ST18: variants seen among roughly 807,000 people sequenced by gnomAD.
ST18 encodes suppression of tumorigenicity 18 protein.
A neutral mutation model predicts 110.0 loss-of-function variants in ST18; 50 were observed. That is an observed-to-expected ratio of 0.45 (90% CI 0.36 to 0.58). The LOEUF is 0.58. Ranked by LOEUF, ST18 falls within the 20% of genes least tolerant of loss-of-function variation. The probability of loss-of-function intolerance (pLI) is 0.00; values close to 1 mark genes in which losing one functional copy is unlikely to be tolerated. For missense variants in ST18, 1,306 were observed against 1,280.1 expected, an observed-to-expected ratio of 1.02 and a Z score of -0.31; for synonymous variants, 461 against 452.4, an observed-to-expected ratio of 1.02 and a Z score of -0.24.
chr8:52,113,289 T>C lies in ST18; in HGVS notation c.3053A>G (p.Asp1018Gly). The change falls in exon 26 of 26, where the codon GAT (aspartate) becomes GGT (glycine). Residue 1018 changes from aspartate to glycine, a missense_variant. Asp to Gly is a moderately conservative substitution (Grantham distance 94). Transcript: ENST00000689386. Reference protein sequence around the residue: ...NFEAYVNTLTDMYSNLERDYS... With the variant: ...NFEAYVNTLTGMYSNLERDYS... ...GTCCCGTTCCAGATTGCTGTACATATCTGTGAGTGTATTTACATATGCTTC... is the reference window on the plus strand; with the variant it reads ...GTCCCGTTCCAGATTGCTGTACATACCTGTGAGTGTATTTACATATGCTTC... 6.2e-7 allele frequency: 1 copy of C among 1,614,066 alleles called. No individual in the cohort carries two copies. The highest frequency in any genetic ancestry group is 1.1e-5 in the South Asian group (1 of 91,052).
At chr8:52,164,214 A>G in intron 12 of ST18, 124 bp from the exon 13 acceptor site, 1 of 766,094 alleles carries the variant, frequency 1.3e-6, no homozygotes, top group Non-Finnish European at 2.2e-6. Flanking sequence ...TTCACTTAGC[A>G]CCACGCACAC....
At chr8:52,240,392 G>A (rs1231152671) in intron 2 of ST18, among the ~76,000 whole-genome samples, 1 of 152,008 alleles carries the variant, frequency 6.6e-6, no homozygotes, top group East Asian at 1.9e-4. Flanking sequence ...AGAAAATTTT[G>A]AGACTATTAA....
chr8:52,263,646 T>C (rs1237093142), intron 2 of ST18, among the ~76,000 whole-genome samples: 3 of 151,230 alleles, frequency 2.0e-5, no homozygotes, highest in African/African-American at 7.3e-5. Context: ...GGTTTCACTA[T>C]GTTGGCCAGG....
chr8:52,118,298 A>T (rs747749880), intron 24 of ST18, 40 bp downstream of exon 24: 2 of 1,351,588 alleles, frequency 1.5e-6, no homozygotes, highest in East Asian at 2.3e-5. Flanking sequence ...ACCAAAGATT[A>T]TGATTACATT....
At chr8:52,172,950 C>T (rs1209860322) in intron 9 of ST18, among the ~76,000 whole-genome samples, 1 of 152,132 alleles carries the variant, frequency 6.6e-6, no homozygotes, top group African/African-American at 2.4e-5. Context: ...ATTATTGTTA[C>T]TGTACTTCTT....
rs1158213340 is a variant in ST18, at chr8:52,113,954, G to GTTTTTTTTTTT, written c.3004-627_3004-617dup. 4.7e-3 allele frequency among the ~76,000 whole-genome samples: 215 copies of GTTTTTTTTTTT among 45,440 alleles called. 72 individuals are homozygous for GTTTTTTTTTTT. Among genetic ancestry groups the GTTTTTTTTTTT allele is most frequent in the Admixed American group, 7.1e-3 (15 of 2,100 alleles). The allele number at this position is 45,440 out of a possible 152,430, so 29.8% of individuals were successfully genotyped here. ...CAAAGTTTAAATTTATTCATACCGTGTTTTTTTTTTTTTTTTTTTTTTTTT... is the reference window on the plus strand; with the variant it reads ...CAAAGTTTAAATTTATTCATACCGTGTTTTTTTTTTTTTTTTTTTTTTTTTTTTTTTTTTTT... On this transcript the variant is annotated intron_variant, in intron 25 of 25. Transcript: ENST00000689386.
chr8:52,296,007 A>C (rs1321629629), intron 2 of ST18, among the ~76,000 whole-genome samples: 1 of 152,084 alleles, frequency 6.6e-6, no homozygotes, highest in East Asian at 1.9e-4. Context: ...GGAAAAAAAA[A>C]ATGGGACAAC....
In ST18 at chr8:52,403,076, TG is replaced by T. The variant is rs898933433; in HGVS notation, c.-465+6251del. On this transcript the variant is annotated intron_variant, in intron 2 of 25. Coordinates refer to ENST00000689386, the MANE Select transcript of ST18 (RefSeq NM_001352837.2). ...AGTGCATGCCTGCTCCACTGGGCCT[TG>T]GGTCCAAGTAGCTGGGGCTGGGGCA... Among the ~76,000 whole-genome samples, 45 of 152,018 alleles carry T rather than the reference TG, an allele frequency of 3.0e-4. 2 individuals carry two copies. Among genetic ancestry groups the T allele is most frequent in the African/African-American group, 9.9e-4 (41 of 41,478 alleles).
At chr8:52,157,534 A>G (rs2060336409) in intron 15 of ST18, among the ~76,000 whole-genome samples, 1 of 152,232 alleles carries the variant, frequency 6.6e-6, no homozygotes, top group Non-Finnish European at 1.5e-5. Flanking sequence ...AATGAATTTA[A>G]AAATAAAGTT....
At chr8:52,253,671 T>C (rs2138429915) in intron 2 of ST18, among the ~76,000 whole-genome samples, 1 of 152,282 alleles carries the variant, frequency 6.6e-6, no homozygotes, top group African/African-American at 2.4e-5. Flanking sequence ...TGTGTTAACC[T>C]CTCATCCCTC....
intron 25 of ST18, among the ~76,000 whole-genome samples, chr8:52,114,377 A>G (rs1282168810): frequency 6.6e-6 from 1 of 152,170 alleles, no homozygotes; most frequent in Non-Finnish European, 1.5e-5. Context: ...AACGGAATGA[A>G]TGTCACAAGG....
chr8:52,343,837 A>G (rs1816380421), intron 2 of ST18, among the ~76,000 whole-genome samples: 1 of 152,234 alleles, frequency 6.6e-6, no homozygotes, highest in South Asian at 2.1e-4. Context: ...GTACTTATTT[A>G]TATTTTCACT....
At chr8:52,287,517 A>G (rs1318863898) in intron 2 of ST18, among the ~76,000 whole-genome samples, 1 of 152,182 alleles carries the variant, frequency 6.6e-6, no homozygotes, top group African/African-American at 2.4e-5. Context: ...GGGTTTTCAG[A>G]CACAGAGCAA....
chr8:52,331,263 T>C (rs1465349881), intron 2 of ST18, among the ~76,000 whole-genome samples: 1 of 152,084 alleles, frequency 6.6e-6, no homozygotes. Flanking sequence ...CAAATATGTG[T>C]TCATATCCTT....
intron 2 of ST18, among the ~76,000 whole-genome samples, chr8:52,372,747 C>T (rs1412018595): frequency 6.6e-6 from 1 of 152,154 alleles, no homozygotes; most frequent in Non-Finnish European, 1.5e-5. Flanking sequence ...TAGGCTGTAC[C>T]ATCTGGGTCT....
intron 8 of ST18, among the ~76,000 whole-genome samples, chr8:52,183,025 G>C (rs1587940448): frequency 6.6e-6 from 1 of 152,094 alleles, no homozygotes; most frequent in Non-Finnish European, 1.5e-5. Flanking sequence ...TTATAAAAAC[G>C]AATCACATTA....
At chr8:52,381,967 T>TA (rs33953466) in intron 2 of ST18, among the ~76,000 whole-genome samples, 121 of 47,316 alleles carry the variant, frequency 2.6e-3, no homozygotes, top group African/African-American at 3.7e-3. Flanking sequence ...TATGCTGCAT[T>TA]AAAAAACAAA....
chr8:52,196,878 C>A (rs2076355428), intron 8 of ST18, among the ~76,000 whole-genome samples: 1 of 152,158 alleles, frequency 6.6e-6, no homozygotes, highest in Non-Finnish European at 1.5e-5. Flanking sequence ...TTTGCTACGT[C>A]TTCTAGGCAC....
chr8:52,321,886 G>T (rs764169547), intron 2 of ST18, among the ~76,000 whole-genome samples: 3 of 152,192 alleles, frequency 2.0e-5, no homozygotes, highest in Non-Finnish European at 2.9e-5. Flanking sequence ...GCCTAGAGGT[G>T]CTTTGTTTCT....
Sources: gnomAD v4.1 joint callset for allele counts (sites outside exome capture counted in the v4.1 genomes callset) on GRCh38, gnomAD v4.1.1 for gene constraint, MANE v1.5 for transcripts, NCBI Gene and HGNC (gene_info 2026-07-23, HGNC 2026-07-21) for gene names.